MAP4K4: variants seen among roughly 807,000 people sequenced by gnomAD.
MAP4K4 encodes HPK/GCK-like kinase HGK.
Under a neutral mutation model 189.6 loss-of-function variants are expected in MAP4K4, and 38 were observed. The observed-to-expected ratio is 0.20, with a 90% confidence interval of 0.15 to 0.26. The LOEUF is 0.26. Among genes scored for constraint, MAP4K4 ranks in the 10% least tolerant of loss-of-function variants. MAP4K4 has a pLI of 1.00. For synonymous variants in MAP4K4, 610 were observed against 624.3 expected (o/e 0.98, Z 0.34); for missense variants, 1,054 against 1,726.9 (o/e 0.61, Z 6.91).
At chr2:101,736,850 G>C (rs1418090045) in intron 2 of MAP4K4, among the ~76,000 whole-genome samples, 1 of 152,168 alleles carries the variant, frequency 6.6e-6, no homozygotes, top group African/African-American at 2.4e-5. Context: ...TGAAAGAACA[G>C]TTTAGACAGT....
intron 11 of MAP4K4, 119 bp downstream of exon 11, chr2:101,842,800 C>G (rs2096960313): frequency 1.2e-5 from 8 of 647,810 alleles, no homozygotes; most frequent in Non-Finnish European, 1.8e-5. Context: ...TAGACAGCAT[C>G]TTACTATCTC....
At chr2:101,758,026 AAAAC>A (rs767644795) in intron 2 of MAP4K4, among the ~76,000 whole-genome samples, 19 of 152,338 alleles carry the variant, frequency 1.2e-4, no homozygotes, top group Non-Finnish European at 1.9e-4. Context: ...TCCATCTCAA[AAAAC>A]AAACAAACAA....
intron 2 of MAP4K4, among the ~76,000 whole-genome samples, chr2:101,727,475 A>G (rs1383339493): frequency 1.3e-5 from 2 of 152,238 alleles, no homozygotes; most frequent in East Asian, 3.8e-4. Flanking sequence ...AGAACTCCCT[A>G]AAGATAAAGC....
chr2:101,763,335 A>G (rs2077257495), intron 2 of MAP4K4, among the ~76,000 whole-genome samples: 1 of 152,216 alleles, frequency 6.6e-6, no homozygotes, highest in South Asian at 2.1e-4. Flanking sequence ...ATCACATTGC[A>G]AAGAGAAAGA....
chr2:101,717,907 G>A (rs2049310524), intron 2 of MAP4K4, among the ~76,000 whole-genome samples: 1 of 152,006 alleles, frequency 6.6e-6, no homozygotes. Flanking sequence ...TAAGCATATA[G>A]TTGAATTAGT....
chr2:101,779,803 A>C (rs991986147), intron 2 of MAP4K4, among the ~76,000 whole-genome samples: 6 of 139,240 alleles, frequency 4.3e-5, no homozygotes, highest in African/African-American at 1.3e-4. Context: ...TTTCTCTTTC[A>C]CCTCTCTTTT....
At chr2:101,836,106 AAAC>A in intron 9 of MAP4K4, 128 bp downstream of exon 9, 3 of 633,110 alleles carry the variant, frequency 4.7e-6, no homozygotes, top group Non-Finnish European at 5.7e-6. Flanking sequence ...CAGTTCTCCA[AAAC>A]ACCAATTAAA....
At chr2:101,883,016 T>C (rs2150232574) in intron 28 of MAP4K4, among the ~76,000 whole-genome samples, 1 of 152,352 alleles carries the variant, frequency 6.6e-6, no homozygotes, top group East Asian at 1.9e-4. Flanking sequence ...CTCTGTAAGA[T>C]GTGGTTCACA....
At chr2:101,864,975 G>T in exon 18 of MAP4K4, 1 of 1,580,440 alleles carries the variant, frequency 6.3e-7, no homozygotes, top group Middle Eastern at 1.7e-4. Flanking sequence ...GTCCCGTCGA[G>T]ATTCCCCACT....
At chr2:101,864,472 A>C (rs1267347265) in intron 17 of MAP4K4, among the ~76,000 whole-genome samples, 2 of 152,184 alleles carry the variant, frequency 1.3e-5, no homozygotes, top group East Asian at 1.9e-4. Context: ...TTGTGTTTAC[A>C]TAATAGTGAA....
At chr2:101,839,959 A>T (rs755225334) in exon 10 of MAP4K4, 3 of 1,609,696 alleles carry the variant, frequency 1.9e-6, no homozygotes. Context: ...CTTAAGGATC[A>T]TATAGATCGT....
chr2:101,800,282 G>A (rs993745730), intron 3 of MAP4K4, among the ~76,000 whole-genome samples: 2 of 152,064 alleles, frequency 1.3e-5, no homozygotes, highest in African/African-American at 4.8e-5. Flanking sequence ...ATTTTTTGTA[G>A]AGACCAGGTC....
intron 2 of MAP4K4, among the ~76,000 whole-genome samples, chr2:101,703,205 T>C (rs1011382815): frequency 6.6e-6 from 1 of 151,958 alleles, no homozygotes; most frequent in Non-Finnish European, 1.5e-5. Context: ...GGCGGGATAG[T>C]GGCAGTGGTG....
chr2:101,851,887 C>A (rs2097298677), intron 12 of MAP4K4, among the ~76,000 whole-genome samples: 1 of 151,768 alleles, frequency 6.6e-6, no homozygotes, highest in Non-Finnish European at 1.5e-5. Flanking sequence ...ACCTAACCTG[C>A]AAGATTTGGA....
intron 3 of MAP4K4, among the ~76,000 whole-genome samples, chr2:101,809,081 C>G (rs2095241954): frequency 6.6e-6 from 1 of 152,166 alleles, no homozygotes; most frequent in Non-Finnish European, 1.5e-5. Context: ...AGAAAGATTT[C>G]TCCTGAATAA....
At chr2:101,731,218 G>A (rs748323042) in intron 2 of MAP4K4, among the ~76,000 whole-genome samples, 3 of 151,804 alleles carry the variant, frequency 2.0e-5, no homozygotes, top group Non-Finnish European at 4.4e-5. Context: ...CCAGATTCAA[G>A]TGATTCTATT....
intron 2 of MAP4K4, among the ~76,000 whole-genome samples, chr2:101,763,849 A>G (rs898455269): frequency 3.9e-5 from 6 of 152,174 alleles, no homozygotes; most frequent in Admixed American, 3.9e-4. Context: ...AGCTCTCTCC[A>G]GGTGCATTTA....
chr2:101,737,443 ATATATATATATATATATATTTT>A (rs1396656616), intron 2 of MAP4K4, among the ~76,000 whole-genome samples: 165 of 34,282 alleles, frequency 4.8e-3, no homozygotes, highest in Middle Eastern at 0.013. Flanking sequence ...ATATATATAT[ATATATATATATATATATATTTT>A]TTTTTTTTTT....
At chr2:101,754,777 T>C (rs1237621394) in intron 2 of MAP4K4, among the ~76,000 whole-genome samples, 1 of 152,216 alleles carries the variant, frequency 6.6e-6, no homozygotes, top group Non-Finnish European at 1.5e-5. Flanking sequence ...TGCCAACTCC[T>C]CAGTCCTCAG....
Sources: gnomAD v4.1 joint callset for allele counts (sites outside exome capture counted in the v4.1 genomes callset) on GRCh38, gnomAD v4.1.1 for gene constraint, MANE v1.5 for transcripts, NCBI Gene and HGNC (gene_info 2026-07-23, HGNC 2026-07-21) for gene names.